The following LAMA3 variants were observed in gnomAD, a reference collection of about 807,000 sequenced individuals.
The protein encoded by LAMA3 is laminin subunit alpha-3.
LAMA3 carries 281 observed loss-of-function variants against 402.0 expected under a neutral mutation model. The observed-to-expected ratio is 0.70, with a 90% CI of 0.63 to 0.77. The LOEUF is 0.77. Among genes scored for constraint, LAMA3 ranks in the 30% least tolerant of loss-of-function variants. The pLI is 0.00. For missense variants in LAMA3, 3,840 were observed against 4,215.5 expected (o/e 0.91, Z 2.47); for synonymous variants, 1,431 against 1,558.4 (o/e 0.92, Z 1.93).
At chr18:23,798,786 G>T (rs1442681834) in intron 12 of LAMA3, among the ~76,000 whole-genome samples, 2 of 152,196 alleles carry the variant, frequency 1.3e-5, no homozygotes, top group Non-Finnish European at 2.9e-5. Context: ...TTTTGGCTTT[G>T]ACTGAAGATC....
At chr18:23,937,869 T>C (rs2030315657) in intron 67 of LAMA3, among the ~76,000 whole-genome samples, 1 of 152,174 alleles carries the variant, frequency 6.6e-6, no homozygotes, top group African/African-American at 2.4e-5. Context: ...GAGCACTATA[T>C]CCAGGAAATG....
At chr18:23,770,146 G>T (rs2062163748) in intron 8 of LAMA3, among the ~76,000 whole-genome samples, 1 of 152,160 alleles carries the variant, frequency 6.6e-6, no homozygotes, top group African/African-American at 2.4e-5. Flanking sequence ...TATGATCATA[G>T]TTGGAGATTT....
Position 23,901,225 on chromosome 18 carries a change from C to G in LAMA3, c.6103C>G (p.Leu2035Val). 1 of 1,614,144 alleles carries G rather than the reference C, an allele frequency of 6.2e-7. No homozygotes were observed. Among genetic ancestry groups the G allele is most frequent in the Non-Finnish European group, 8.5e-7 (1 of 1,179,992 alleles). ...RDSLNEYEAKLSDLRARLQEA... is the reference protein window; with the variant it reads ...RDSLNEYEAKVSDLRARLQEA... Reference sequence around the variant, plus strand: ...TTCTTTAAATGAATACGAAGCCAAACTCAGTGACCTTCGTGCTCGGCTGCA... The same window carrying G: ...TTCTTTAAATGAATACGAAGCCAAAGTCAGTGACCTTCGTGCTCGGCTGCA... Residue 2035 changes from leucine to valine, a missense_variant, in exon 48 of 75, where the codon CTC becomes GTC. By Grantham distance (32) the Leu-to-Val change is conservative (BLOSUM62 1). This residue lies in a region of LAMA3 where 891 missense variants were observed against 857.5 expected (regional missense o/e 1.04). Transcript: ENST00000313654.
intron 25 of LAMA3, 85 bp downstream of exon 25, chr18:23,837,174 GT>G: frequency 1.2e-6 from 1 of 850,224 alleles, no homozygotes; most frequent in South Asian, 1.4e-5. Context: ...TTTGGCTGGG[GT>G]TGTATTACTC....
At chr18:23,768,457 T>C (rs2062126545) in intron 8 of LAMA3, among the ~76,000 whole-genome samples, 2 of 152,140 alleles carry the variant, frequency 1.3e-5, no homozygotes, top group African/African-American at 4.8e-5. Flanking sequence ...TCACACCAGC[T>C]AGAATGGCTA....
At chr18:23,788,682 C>T (rs2062593509) in intron 12 of LAMA3, among the ~76,000 whole-genome samples, 1 of 151,730 alleles carries the variant, frequency 6.6e-6, no homozygotes, top group African/African-American at 2.4e-5. Flanking sequence ...AAAATATAGG[C>T]ATAAATCTTC....
chr18:23,710,900 A>G (rs2145895989), intron 1 of LAMA3, among the ~76,000 whole-genome samples: 1 of 152,244 alleles, frequency 6.6e-6, no homozygotes, highest in African/African-American at 2.4e-5. Context: ...TTTATTTTTC[A>G]AACAGAAAGT....
chr18:23,842,821 G>A, intron 29 of LAMA3, 71 bp downstream of exon 29: 1 of 1,581,642 alleles, frequency 6.3e-7, no homozygotes, highest in Non-Finnish European at 8.7e-7. Flanking sequence ...TGTCTGTTTA[G>A]CTCATGGAAA....
intron 6 of LAMA3, among the ~76,000 whole-genome samples, chr18:23,755,014 C>T (rs1373037418): frequency 5.3e-5 from 8 of 152,168 alleles, no homozygotes; most frequent in Non-Finnish European, 8.8e-5. Context: ...TTCAAGGATT[C>T]GGCAGTGCTG....
At chr18:23,836,353 GAGTATGAAGTCAGAA>G (rs2063581276) in intron 24 of LAMA3, among the ~76,000 whole-genome samples, 1 of 152,168 alleles carries the variant, frequency 6.6e-6, no homozygotes, top group Non-Finnish European at 1.5e-5. Context: ...ATTTGCAACA[GAGTATGAAGTCAGAA>G]ACATTACTCA....
chr18:23,885,322 GC>G (rs1341970657), intron 41 of LAMA3, among the ~76,000 whole-genome samples: 2 of 116,676 alleles, frequency 1.7e-5, no homozygotes, highest in Non-Finnish European at 3.7e-5. Flanking sequence ...AGCCTAGATA[GC>G]CCCCCCACCC....
rs145544480 is a variant in LAMA3, at chr18:23,806,321, A to C, written c.1604-4045A>C. On this transcript the variant is annotated intron_variant, in intron 12 of 74. Transcript: ENST00000313654. ...TTGCTGTCTGTCTGTTTAAATTGGA[A>C]AAATCATTTAGTTCTTTTGAAGTGT... Among the ~76,000 whole-genome samples, 892 of 152,298 alleles carry C rather than the reference A, an allele frequency of 5.9e-3. 7 individuals carry two copies. Among genetic ancestry groups the C allele is most frequent in the African/African-American group, 0.02 (836 of 41,552 alleles).
At chr18:23,760,037 A>G (rs2061937031) in intron 7 of LAMA3, among the ~76,000 whole-genome samples, 1 of 152,218 alleles carries the variant, frequency 6.6e-6, no homozygotes, top group African/African-American at 2.4e-5. Flanking sequence ...CTGATTTAGG[A>G]TATTTTTAAT....
intron 6 of LAMA3, among the ~76,000 whole-genome samples, chr18:23,756,183 T>G (rs1409956316): frequency 1.3e-5 from 2 of 152,158 alleles, no homozygotes; most frequent in African/African-American, 4.8e-5. Flanking sequence ...CAGTTGAGTG[T>G]GGAGAGGGAT....
intron 12 of LAMA3, among the ~76,000 whole-genome samples, chr18:23,790,861 A>G (rs1002102933): frequency 1.3e-5 from 2 of 151,874 alleles, no homozygotes; most frequent in Non-Finnish European, 2.9e-5. Flanking sequence ...AAACATGAAG[A>G]ACTAGTTTGA....
chr18:23,916,640 G>A lies in LAMA3; in HGVS notation c.7868G>A (p.Gly2623Glu). 2 of 1,614,070 alleles carry A rather than the reference G, an allele frequency of 1.2e-6. No homozygotes were observed. The highest frequency in any genetic ancestry group is 1.7e-6 in the Non-Finnish European group (2 of 1,180,016). Residue 2623 changes from glycine (G) to glutamate (E), a missense_variant, in exon 60 of 75, where the codon GGA (glycine) becomes GAA (glutamate). Coordinates refer to ENST00000313654, the MANE Select transcript of LAMA3 (RefSeq NM_198129.4). ...CCACATGCTCCCATCCCAACCTTTG[G>A]ACAGACAATTCAGACCACCGTGGAT... is the stretch of plus-strand genomic sequence containing the variant. ...TQPHAPIPTF[G>E]QTIQTTVDRG...
At chr18:23,760,039 A>T (rs1236703312) in intron 7 of LAMA3, among the ~76,000 whole-genome samples, 2 of 152,210 alleles carry the variant, frequency 1.3e-5, no homozygotes, top group Non-Finnish European at 2.9e-5. Flanking sequence ...GATTTAGGAT[A>T]TTTTTAATTG....
In LAMA3 at chr18:23,899,365, G is replaced by C. The variant is rs759008417; in HGVS notation, c.5914G>C (p.Glu1972Gln). ...AGGTGACTTTTCCAGAGAGTGGGCT[G>C]AAGCCCAGCGCATGATGAGGGAACT... is the stretch of plus-strand genomic sequence containing the variant. ...PSGDFSREWA[E>Q]AQRMMRELRN... Residue 1972 changes from glutamate to glutamine, a missense_variant, in exon 47 of 75, where the codon GAA becomes CAA. This residue lies in a region of LAMA3 where 891 missense variants were observed against 857.5 expected (regional missense o/e 1.04). Coordinates refer to ENST00000313654, the MANE Select transcript of LAMA3 (RefSeq NM_198129.4). 6.2e-7 allele frequency: 1 copy of C among 1,613,742 alleles called. No homozygotes were observed. The highest frequency in any genetic ancestry group is 1.1e-5 in the South Asian group (1 of 91,074).
intron 23 of LAMA3, among the ~76,000 whole-genome samples, chr18:23,831,826 C>T (rs1455719209): frequency 2.0e-5 from 3 of 152,156 alleles, no homozygotes; most frequent in African/African-American, 4.8e-5. Flanking sequence ...TTGATAAACC[C>T]ACTTTCCATG....
Sources: gnomAD v4.1 joint callset for allele counts (sites outside exome capture counted in the v4.1 genomes callset) on GRCh38, gnomAD v4.1.1 for gene constraint, gnomAD v4.1.1 regional missense constraint, MANE v1.5 for transcripts, NCBI Gene and HGNC (gene_info 2026-07-23, HGNC 2026-07-21) for gene names.